PHF24: variants seen among roughly 807,000 people sequenced by gnomAD.
The protein encoded by PHF24 is Galpha inhibitory interacting protein.
A neutral mutation model predicts 42.6 loss-of-function variants in PHF24; 25 were observed. That is an observed-to-expected ratio of 0.59 (90% CI 0.43 to 0.82). The LOEUF is 0.82. Among genes scored for constraint, PHF24 ranks in the 40% least tolerant of loss-of-function variants. PHF24 has a pLI of 0.00. For synonymous variants in PHF24, 185 were observed against 204.8 expected, an observed-to-expected ratio of 0.90 and a Z score of 0.83; for missense variants, 470 against 538.1, an observed-to-expected ratio of 0.87 and a Z score of 1.25.
exon 8 of PHF24, chr9:34,981,015 T>G (rs768209384): frequency 6.6e-6 from 1 of 152,362 alleles, no homozygotes; most frequent in South Asian, 2.1e-4. Context: ...GTCTGCTCCT[T>G]GGCTTCCTCT....
chr9:34,975,872 TA>T (rs1827167342), intron 3 of PHF24, among the ~76,000 whole-genome samples: 1 of 152,066 alleles, frequency 6.6e-6, no homozygotes, highest in East Asian at 1.9e-4. Flanking sequence ...AAGAAATCCC[TA>T]GGTTAGCTCA....
At chr9:34,856,692 G>A in the PHF24 span, among the ~76,000 whole-genome samples, 1 of 152,172 alleles carries the variant, frequency 6.6e-6, no homozygotes, top group East Asian at 1.9e-4. Context: ...CCTAATGCCA[G>A]CCAGAATGCT....
At chr9:34,864,203 TAGAG>T in the PHF24 span, among the ~76,000 whole-genome samples, 1 of 152,032 alleles carries the variant, frequency 6.6e-6, no homozygotes, top group Non-Finnish European at 1.5e-5. Context: ...AAAGAAAAGA[TAGAG>T]AAAGAGATAG....
the PHF24 span, among the ~76,000 whole-genome samples, chr9:34,681,575 C>T: frequency 1.3e-5 from 2 of 152,424 alleles, no homozygotes; most frequent in South Asian, 4.1e-4. Flanking sequence ...CTCTGGGAGA[C>T]CGAGGTGGGT....
At chr9:34,745,197 A>G in the PHF24 span, among the ~76,000 whole-genome samples, 12 of 152,164 alleles carry the variant, frequency 7.9e-5, no homozygotes, top group Non-Finnish European at 2.9e-5. Context: ...CTGACTACTA[A>G]GTCCCCACAG....
the PHF24 span, among the ~76,000 whole-genome samples, chr9:34,913,648 G>T: frequency 6.6e-6 from 1 of 152,186 alleles, no homozygotes; most frequent in Admixed American, 6.5e-5. Flanking sequence ...AGCAAACCCT[G>T]ACACAGCTAG....
chr9:34,845,653 G>A, the PHF24 span, among the ~76,000 whole-genome samples: 1 of 151,522 alleles, frequency 6.6e-6, no homozygotes, highest in Non-Finnish European at 1.5e-5. Context: ...CAATGTGCAG[G>A]TTAGTTACAT....
chr9:34,969,640 CA>C (rs397959655), intron 1 of PHF24, among the ~76,000 whole-genome samples: 39 of 124,084 alleles, frequency 3.1e-4, no homozygotes, highest in South Asian at 1.1e-3. Context: ...GACTCTGTCT[CA>C]AAAAAAAAAA....
At chr9:34,837,516 C>T in the PHF24 span, 3 of 633,132 alleles carry the variant, frequency 4.7e-6, no homozygotes, top group African/African-American at 5.6e-5. Flanking sequence ...GATTTCCCAC[C>T]CATGGAAGTT....
chr9:34,677,389 G>GTTTTTTTTTTTTTTTTTTTTTTTTTTT, the PHF24 span, among the ~76,000 whole-genome samples: 39 of 79,764 alleles, frequency 4.9e-4, 3 homozygotes, highest in Non-Finnish European at 6.8e-4. Flanking sequence ...TTTGTAAACT[G>GTTTTTTTTTTTTTTTTTTTTTTTTTTT]TTTTTTTTTT....
chr9:34,801,846 G>C, the PHF24 span, among the ~76,000 whole-genome samples: 5 of 151,742 alleles, frequency 3.3e-5, no homozygotes, highest in Admixed American at 3.3e-4. Context: ...ACTCATAAGT[G>C]GGAGTTGAAC....
chr9:34,700,989 A>G, the PHF24 span, among the ~76,000 whole-genome samples: 7 of 152,176 alleles, frequency 4.6e-5, no homozygotes, highest in African/African-American at 7.2e-5. Flanking sequence ...ACAGTTTCTG[A>G]CCACAGGTAC....
At chr9:34,694,172 T>C in the PHF24 span, among the ~76,000 whole-genome samples, 335 of 141,352 alleles carry the variant, frequency 2.4e-3, 1 homozygote, top group African/African-American at 8.5e-3. Flanking sequence ...TTTTTTTTTT[T>C]TTTTTTTTTT....
chr9:34,693,799 C>T, the PHF24 span, among the ~76,000 whole-genome samples: 6 of 152,270 alleles, frequency 3.9e-5, no homozygotes, highest in Non-Finnish European at 7.4e-5. Context: ...TATCAGAGAT[C>T]TTTGTTTCTT....
At chr9:34,709,280 A>G in the PHF24 span, 2 of 1,259,970 alleles carry the variant, frequency 1.6e-6, no homozygotes, top group Non-Finnish European at 2.3e-6. Context: ...CAAGGCCAGC[A>G]TGGGGTGGCT....
At chr9:34,856,379 G>A in the PHF24 span, among the ~76,000 whole-genome samples, 10 of 152,156 alleles carry the variant, frequency 6.6e-5, no homozygotes, top group Admixed American at 2.6e-4. Flanking sequence ...CAGTATTTTT[G>A]TGTTGATTCT....
At chr9:34,712,660 A>C in the PHF24 span, among the ~76,000 whole-genome samples, 1 of 151,500 alleles carries the variant, frequency 6.6e-6, no homozygotes, top group East Asian at 1.9e-4. Flanking sequence ...CATTTTGTTC[A>C]TACACCATTT....
chr9:34,709,295 CA>C, the PHF24 span: 1 of 1,434,638 alleles, frequency 7.0e-7, no homozygotes, highest in Non-Finnish European at 9.6e-7. Flanking sequence ...GTGGCTGCTC[CA>C]GGGCCCCTGA....
chr9:34,673,191 A>G, the PHF24 span, among the ~76,000 whole-genome samples: 1 of 152,144 alleles, frequency 6.6e-6, no homozygotes, highest in South Asian at 2.1e-4. Context: ...TCCTGTCTCT[A>G]CTAAAAATAC....
Sources: gnomAD v4.1 joint callset for allele counts (sites outside exome capture counted in the v4.1 genomes callset) on GRCh38, gnomAD v4.1.1 for gene constraint, MANE v1.5 for transcripts, NCBI Gene and HGNC (gene_info 2026-07-23, HGNC 2026-07-21) for gene names.